The following PTPRG variants were observed in gnomAD, a reference collection of about 807,000 sequenced individuals.
PTPRG encodes receptor-type tyrosine-protein phosphatase gamma.
A neutral mutation model predicts 165.3 loss-of-function variants in PTPRG; 102 were observed. The ratio of observed to expected loss-of-function variants is 0.62; its 90% CI spans 0.53 to 0.73. The LOEUF (loss-of-function observed/expected upper bound fraction) is 0.73. Among genes scored for constraint, PTPRG ranks in the 30% least tolerant of loss-of-function variants. The probability of loss-of-function intolerance (pLI) is 0.00; values close to 1 mark genes in which losing one functional copy is unlikely to be tolerated. For missense variants in PTPRG, 1,866 were observed against 1,861.4 expected (o/e 1.00, Z -0.05); for synonymous variants, 675 against 669.5 (o/e 1.01, Z -0.13).
chr3:62,113,305 G>A (rs534185102), intron 5 of PTPRG, among the ~76,000 whole-genome samples: 2 of 152,140 alleles, frequency 1.3e-5, no homozygotes, highest in South Asian at 4.1e-4. Flanking sequence ...CTGACACTGT[G>A]TCAGAAACAC....
At chr3:61,980,598 A>G (rs2040617640) in intron 2 of PTPRG, among the ~76,000 whole-genome samples, 1 of 152,238 alleles carries the variant, frequency 6.6e-6, no homozygotes, top group Non-Finnish European at 1.5e-5. Context: ...TAGTGAAAAC[A>G]TCGAATAATT....
intron 1 of PTPRG, among the ~76,000 whole-genome samples, chr3:61,703,200 A>G (rs1034523502): frequency 1.2e-4 from 18 of 149,774 alleles, no homozygotes; most frequent in Admixed American, 2.7e-4. Flanking sequence ...GCACTTTAAG[A>G]TGGTTCTTAG....
intron 1 of PTPRG, among the ~76,000 whole-genome samples, chr3:61,567,220 T>C (rs1298531222): frequency 6.6e-6 from 1 of 152,156 alleles, no homozygotes; most frequent in African/African-American, 2.4e-5. Flanking sequence ...ACCTTTAATT[T>C]TCCACCTGAG....
At chr3:62,013,741 A>G (rs1245625956) in intron 4 of PTPRG, among the ~76,000 whole-genome samples, 2 of 151,896 alleles carry the variant, frequency 1.3e-5, no homozygotes, top group Admixed American at 6.6e-5. Flanking sequence ...TTGGAATCTG[A>G]TTTATTTATT....
intron 2 of PTPRG, among the ~76,000 whole-genome samples, chr3:61,766,848 G>C (rs886209088): frequency 6.6e-6 from 1 of 151,784 alleles, no homozygotes; most frequent in Non-Finnish European, 1.5e-5. Flanking sequence ...TCAAACTCCT[G>C]ATCTCAAATG....
At chr3:61,576,621 G>A (rs1420213744) in intron 1 of PTPRG, among the ~76,000 whole-genome samples, 2 of 152,136 alleles carry the variant, frequency 1.3e-5, no homozygotes, top group African/African-American at 4.8e-5. Context: ...GGACTTTTGT[G>A]CCATCTCTGT....
chr3:61,873,361 C>G (rs1300988503), intron 2 of PTPRG, among the ~76,000 whole-genome samples: 1 of 152,036 alleles, frequency 6.6e-6, no homozygotes, highest in Non-Finnish European at 1.5e-5. Flanking sequence ...TTTAGCTTTA[C>G]TCATAAGATG....
At chr3:62,073,547 C>T (rs6800647) in intron 4 of PTPRG, among the ~76,000 whole-genome samples, 7,316 of 151,984 alleles carry the variant, frequency 0.048, 574 homozygotes, top group African/African-American at 0.17. Context: ...GGCGCAATCT[C>T]GGCTCACCAC....
At chr3:61,742,323 A>C in intron 1 of PTPRG, 5 of 606,224 alleles carry the variant, frequency 8.2e-6, no homozygotes, top group Non-Finnish European at 1.4e-5. Context: ...GGCACGTAGG[A>C]AACAGTTGCG....
chr3:61,699,026 G>T (rs111992350), intron 1 of PTPRG, among the ~76,000 whole-genome samples: 12 of 152,056 alleles, frequency 7.9e-5, no homozygotes, highest in Admixed American at 2.6e-4. Context: ...GCTGTGGGGT[G>T]GGGGGAGCGG....
At chr3:61,731,795 C>CT (rs936647283) in intron 1 of PTPRG, among the ~76,000 whole-genome samples, 33 of 149,660 alleles carry the variant, frequency 2.2e-4, no homozygotes, top group South Asian at 4.3e-4. Context: ...TGCATAGGTA[C>CT]TTTTTTTTTT....
chr3:62,081,120 G>T (rs1190470691), intron 5 of PTPRG, among the ~76,000 whole-genome samples: 26 of 151,786 alleles, frequency 1.7e-4, no homozygotes, highest in Admixed American at 1.7e-3. Flanking sequence ...AGCCGGGCGT[G>T]GTGGCGGGCA....
At chr3:61,795,728 G>A (rs573357172) in intron 2 of PTPRG, among the ~76,000 whole-genome samples, 2 of 150,858 alleles carry the variant, frequency 1.3e-5, no homozygotes, top group East Asian at 3.9e-4. Context: ...TAGATGCCTG[G>A]TTGGCATAAG....
chr3:61,672,989 GTC>G (rs35426503), intron 1 of PTPRG, among the ~76,000 whole-genome samples: 13,105 of 152,014 alleles, frequency 0.086, 670 homozygotes, highest in Non-Finnish European at 0.12. Flanking sequence ...TGGTGAGACT[GTC>G]TCTGCAAAAT....
chr3:61,941,607 A>G (rs530930140), intron 2 of PTPRG, among the ~76,000 whole-genome samples: 3 of 147,342 alleles, frequency 2.0e-5, no homozygotes, highest in African/African-American at 7.7e-5. Flanking sequence ...GGCGACAAGC[A>G]AAACTCCATC....
intron 2 of PTPRG, among the ~76,000 whole-genome samples, chr3:61,785,337 G>A (rs891376645): frequency 6.6e-6 from 1 of 152,216 alleles, no homozygotes; most frequent in African/African-American, 2.4e-5. Flanking sequence ...AAATTAAACC[G>A]AAAACTGTTT....
chr3:61,919,563 A>G (rs79204932), intron 2 of PTPRG, among the ~76,000 whole-genome samples: 1,644 of 152,252 alleles, frequency 0.011, 37 homozygotes, highest in African/African-American at 0.036. Flanking sequence ...GTCACAATCC[A>G]GTAGGGGTCA....
intron 2 of PTPRG, among the ~76,000 whole-genome samples, chr3:61,876,976 C>T (rs1275341128): frequency 6.7e-6 from 1 of 149,532 alleles, no homozygotes; most frequent in Non-Finnish European, 1.5e-5. Context: ...TTGTGGTTCT[C>T]CCTTTATTCC....
At position 61,913,647 on chromosome 3, in the gene PTPRG, T is replaced by C. The variant is rs142716054; in HGVS notation, c.191-75978T>C. On this transcript the variant is annotated intron_variant, in intron 2 of 29. Transcript: ENST00000474889. ...TAGATCTTATATTTCTGTATGAGTT[T>C]CTTTACGTCTTTTTGTAACCTTGCT... 3.6e-3 allele frequency among the ~76,000 whole-genome samples: 545 copies of C among 152,372 alleles called. 4 individuals are homozygous for C. The highest frequency in any genetic ancestry group is 0.013 in the African/African-American group (528 of 41,590).
Sources: gnomAD v4.1 joint callset for allele counts (sites outside exome capture counted in the v4.1 genomes callset) on GRCh38, gnomAD v4.1.1 for gene constraint, MANE v1.5 for transcripts, NCBI Gene and HGNC (gene_info 2026-07-23, HGNC 2026-07-21) for gene names.